IL1RAPL2: variants seen among roughly 807,000 people sequenced by gnomAD.
IL1RAPL2 encodes the protein interleukin 1 receptor accessory protein like 2.
A neutral mutation model predicts 44.1 loss-of-function variants in IL1RAPL2; 3 were observed. The ratio of observed to expected loss-of-function variants is 0.07; its 90% CI spans 0.03 to 0.18. The LOEUF is 0.18. Among genes scored for constraint, IL1RAPL2 ranks in the 10% least tolerant of loss-of-function variants. The probability of loss-of-function intolerance (pLI) is 1.00; values close to 1 mark genes in which losing one functional copy is unlikely to be tolerated. For missense variants in IL1RAPL2, 391 were observed against 496.4 expected (o/e 0.79, Z 2.02); for synonymous variants, 181 against 178.8 (o/e 1.01, Z -0.10).
chrX:105,507,063 G>A (rs2036435976), intron 6 of IL1RAPL2, among the ~76,000 whole-genome samples: 3 of 111,160 alleles, frequency 2.7e-5, no homozygotes, highest in African/African-American at 9.8e-5. Context: ...GGTTTCTTAC[G>A]CCTGTAGAAG....
chrX:104,643,042 GAAAAATGAATGACAATTTATATT>G (rs1929965028), intron 1 of IL1RAPL2, among the ~76,000 whole-genome samples: 1 of 111,995 alleles, frequency 8.9e-6, no homozygotes, highest in Non-Finnish European at 1.9e-5. Context: ...TTGTTCTCCA[GAAAAATGAATGACAATTTATATT>G]CTCATTGCCA....
intron 9 of IL1RAPL2, 74 bp downstream of exon 9, chrX:105,749,177 T>A (rs1423404714): frequency 3.5e-5 from 37 of 1,048,681 alleles, no homozygotes; most frequent in Non-Finnish European, 4.5e-5. Flanking sequence ...CTTCCCTATT[T>A]TTAGAAAGTA....
chrX:105,383,297 A>G (rs982823799), intron 5 of IL1RAPL2, among the ~76,000 whole-genome samples: 2 of 110,805 alleles, frequency 1.8e-5, no homozygotes, highest in African/African-American at 6.6e-5. Context: ...CCATCATTCT[A>G]TTCTCTATCT....
chrX:104,679,336 A>G lies in IL1RAPL2; in HGVS notation c.82+20341A>G, dbSNP rs1332881814. ...AAAAACACCCTTAGGGGCCTTAACA[A>G]TTTGTGGCCAGAATGACCTTTGTTT... On this transcript the variant is annotated intron_variant, in intron 2 of 10. Coordinates refer to ENST00000372582, the MANE Select transcript of IL1RAPL2 (RefSeq NM_017416.2). 7.6e-4 allele frequency among the ~76,000 whole-genome samples: 85 copies of G among 111,649 alleles called. 6 individuals are homozygous for G. Among genetic ancestry groups the G allele is most frequent in the African/African-American group, 6.5e-5 (2 of 30,686 alleles).
intron 2 of IL1RAPL2, among the ~76,000 whole-genome samples, chrX:105,163,376 A>G (rs1242304242): frequency 1.8e-5 from 2 of 111,906 alleles, no homozygotes; most frequent in Non-Finnish European, 3.8e-5. Context: ...GCCAAAAGAA[A>G]GAATACAAAA....
chrX:104,631,209 G>A (rs912806509), intron 1 of IL1RAPL2, among the ~76,000 whole-genome samples: 1 of 111,951 alleles, frequency 8.9e-6, no homozygotes, highest in Non-Finnish European at 1.9e-5. Flanking sequence ...TGGTGTATAT[G>A]TGCCACATTT....
At chrX:105,010,923 T>C (rs1414140791) in intron 2 of IL1RAPL2, among the ~76,000 whole-genome samples, 1 of 111,460 alleles carries the variant, frequency 9.0e-6, no homozygotes, top group African/African-American at 3.3e-5. Flanking sequence ...AGAGAGACTC[T>C]GAGGATAAGT....
chrX:105,416,464 G>A (rs937346853), intron 5 of IL1RAPL2, among the ~76,000 whole-genome samples: 1 of 111,966 alleles, frequency 8.9e-6, no homozygotes, highest in African/African-American at 3.2e-5. Context: ...GTTACCTAAC[G>A]TCTCTGTCCT....
chrX:105,107,350 T>C (rs1898372275), intron 2 of IL1RAPL2, among the ~76,000 whole-genome samples: 1 of 112,146 alleles, frequency 8.9e-6, no homozygotes, highest in South Asian at 3.7e-4. Flanking sequence ...TCAAATTGAT[T>C]GACCTTGGAT....
intron 2 of IL1RAPL2, among the ~76,000 whole-genome samples, chrX:104,670,600 ATT>A (rs1344231811): frequency 9.0e-6 from 1 of 110,865 alleles, no homozygotes; most frequent in Non-Finnish European, 1.9e-5. Context: ...TTTTAAACAA[ATT>A]TTGACTTTTA....
intron 2 of IL1RAPL2, among the ~76,000 whole-genome samples, chrX:104,933,953 T>A (rs1602832466): frequency 9.0e-6 from 1 of 111,104 alleles, no homozygotes; most frequent in East Asian, 2.8e-4. Flanking sequence ...ATATGGAAAA[T>A]TTGCAAATGG....
At chrX:105,038,937 T>C (rs113889405) in intron 2 of IL1RAPL2, among the ~76,000 whole-genome samples, 7,586 of 111,569 alleles carry the variant, frequency 0.068, 697 homozygotes, top group African/African-American at 0.24. Flanking sequence ...ACTAAAGTAG[T>C]ATATTAGAGA....
intron 2 of IL1RAPL2, among the ~76,000 whole-genome samples, chrX:105,105,621 C>T (rs1221635263): frequency 8.9e-6 from 1 of 112,295 alleles, no homozygotes; most frequent in Non-Finnish European, 1.9e-5. Flanking sequence ...TCTTTTATGA[C>T]AGAGCTAAGG....
intron 5 of IL1RAPL2, among the ~76,000 whole-genome samples, chrX:105,348,119 A>G (rs2035124763): frequency 9.0e-6 from 1 of 111,522 alleles, no homozygotes; most frequent in South Asian, 3.8e-4. Flanking sequence ...TATTTTCCTT[A>G]CTACAAACCA....
chrX:105,537,056 T>C (rs1281610806), intron 6 of IL1RAPL2, among the ~76,000 whole-genome samples: 1 of 111,487 alleles, frequency 9.0e-6, no homozygotes, highest in Non-Finnish European at 1.9e-5. Flanking sequence ...TTATGGTAGA[T>C]TTTTTTTGCC....
intron 6 of IL1RAPL2, among the ~76,000 whole-genome samples, chrX:105,645,512 T>C (rs1478419411): frequency 8.9e-6 from 1 of 111,906 alleles, no homozygotes; most frequent in African/African-American, 3.3e-5. Flanking sequence ...ATGAATAGTC[T>C]TGATAGGTAT....
Position 104,717,758 on chromosome X carries a change from C to T in IL1RAPL2, c.82+58763C>T, listed in dbSNP as rs746294360. ...GTATCTCTCCTAATGCTATCTCCCC[C>T]CCCCACCCCACAACAGTCCCCGGTG... is the stretch of plus-strand genomic sequence containing the variant. On this transcript the variant is annotated intron_variant, in intron 2 of 10. Coordinates refer to ENST00000372582, the MANE Select transcript of IL1RAPL2 (RefSeq NM_017416.2). Among the ~76,000 whole-genome samples, 5 of 109,168 alleles carry T rather than the reference C, an allele frequency of 4.6e-5. No homozygotes were observed. The South Asian group carries it at 1.2e-3, about 27-fold the overall frequency. The allele number at this position is 109,168 out of a possible 115,157, so 94.8% of individuals were successfully genotyped here. A position where few individuals can be genotyped will look rare whatever the true frequency, so the allele number is the denominator to read the frequency against.
Position 105,767,669 on chromosome X carries a change from T to A in IL1RAPL2, c.*8T>A. On this transcript the variant is annotated 3_prime_UTR_variant, in exon 11 of 11. Transcript: ENST00000372582. ...ACCAGTGATATTTGGTAGTGAAAAA[T>A]CTGAATTCCTCTGAACAGCTAGATA... 9.0e-7 allele frequency: 1 copy of A among 1,108,044 alleles called. No homozygotes were observed. The highest frequency in any genetic ancestry group is 2.2e-5 in the Admixed American group (1 of 45,407). 91.3% of individuals were successfully genotyped at this position (1,108,044 alleles called of 1,213,427 possible).
chrX:104,917,226 G>A (rs1924478173), intron 2 of IL1RAPL2, among the ~76,000 whole-genome samples: 1 of 111,390 alleles, frequency 9.0e-6, no homozygotes, highest in Non-Finnish European at 1.9e-5. Context: ...GTAAGCTATT[G>A]ATTATTGCCT....
Sources: allele counts gnomAD v4.1 joint callset (sites outside exome capture counted in the v4.1 genomes callset), GRCh38; gene constraint gnomAD v4.1.1; transcripts MANE v1.5; gene names NCBI Gene and HGNC (gene_info 2026-07-23, HGNC 2026-07-21).